The following FHL1 variants were observed in gnomAD, a reference collection of about 807,000 sequenced individuals.
FHL1 encodes four and a half LIM domains protein 1.
In FHL1, 1 loss-of-function variant was observed where a neutral mutation model predicts 20.3. The ratio of observed to expected loss-of-function variants is 0.05; its 90% CI spans 0.02 to 0.23. The LOEUF (loss-of-function observed/expected upper bound fraction) is 0.23, where lower values mean the gene tolerates loss of function less well. Among genes scored for constraint, FHL1 ranks in the 10% least tolerant of loss-of-function variants. The pLI is 1.00. For missense variants in FHL1, 177 were observed against 234.0 expected (o/e 0.76, Z 1.59); for synonymous variants, 82 against 88.9 (o/e 0.92, Z 0.44).
chrX:136,209,761 C>T, intron 5 of FHL1, 110 bp from the exon 6 acceptor site: 1 of 926,278 alleles, frequency 1.1e-6, no homozygotes, highest in Middle Eastern at 4.0e-4. Context: ...GCTTGTCGGT[C>T]TGTGAGTGGG....
At chrX:136,191,451 G>A (rs765518402) in intron 2 of FHL1, among the ~76,000 whole-genome samples, 2 of 111,694 alleles carry the variant, frequency 1.8e-5, no homozygotes, top group African/African-American at 6.5e-5. Context: ...GTGACATCCA[G>A]GTCACGGCTT....
chrX:136,196,381 T>A (rs1024329873), upstream of FHL1, among the ~76,000 whole-genome samples: 2 of 111,895 alleles, frequency 1.8e-5, no homozygotes, highest in African/African-American at 6.5e-5. Flanking sequence ...CCTTTTATTG[T>A]CCCTGATGCT....
intron 1 of FHL1, among the ~76,000 whole-genome samples, chrX:136,203,445 C>G (rs1347521927): frequency 8.9e-6 from 1 of 112,053 alleles, no homozygotes; most frequent in Non-Finnish European, 1.9e-5. Context: ...TGAAACTCTT[C>G]TTATGGGTAC....
At chrX:136,207,262 T>C in intron 3 of FHL1, 72 bp downstream of exon 3, 1 of 1,070,525 alleles carries the variant, frequency 9.3e-7, no homozygotes, top group South Asian at 2.1e-5. Context: ...GGCTTGCTTA[T>C]CATGGTGGGG....
At chrX:136,187,366 A>C (rs994379247) in intron 2 of FHL1, among the ~76,000 whole-genome samples, 1 of 111,894 alleles carries the variant, frequency 8.9e-6, no homozygotes, top group Non-Finnish European at 1.9e-5. Context: ...TGTTCACAGC[A>C]GTATTATAGT....
chrX:136,194,259 C>G (rs768137314), upstream of FHL1, among the ~76,000 whole-genome samples: 5 of 112,396 alleles, frequency 4.4e-5, 1 homozygote, highest in South Asian at 1.8e-3. Context: ...AAAGTAAGGA[C>G]TGTATTTTAT....
At chrX:136,200,689 T>C (rs1404534186) in intron 1 of FHL1, among the ~76,000 whole-genome samples, 2 of 111,935 alleles carry the variant, frequency 1.8e-5, no homozygotes, top group Non-Finnish European at 3.8e-5. Flanking sequence ...CTTTCTGTCA[T>C]AGAGAAACCC....
intron 1 of FHL1, among the ~76,000 whole-genome samples, chrX:136,205,099 C>T (rs925470961): frequency 2.7e-5 from 3 of 112,312 alleles, no homozygotes; most frequent in African/African-American, 6.5e-5. Flanking sequence ...TCTATTTACC[C>T]GTGCAAATTT....
chrX:136,150,958 C>T (rs954175599), intron 1 of FHL1, among the ~76,000 whole-genome samples: 1 of 112,339 alleles, frequency 8.9e-6, no homozygotes, highest in Admixed American at 9.4e-5. Context: ...AATTGGGCCT[C>T]CCCAAAATAT....
At chrX:136,202,712 C>T (rs745802656) in intron 1 of FHL1, among the ~76,000 whole-genome samples, 60 of 111,341 alleles carry the variant, frequency 5.4e-4, no homozygotes, top group Admixed American at 1.5e-3. Flanking sequence ...TCCAAGATTG[C>T]GCCACTGCAC....
intron 1 of FHL1, among the ~76,000 whole-genome samples, chrX:136,199,468 G>A (rs751665259): frequency 2.7e-5 from 3 of 112,422 alleles, no homozygotes; most frequent in African/African-American, 6.5e-5. Context: ...CTTTTCAGCC[G>A]TGACTCATGA....
chrX:136,207,659 A>T, intron 3 of FHL1, 133 bp from the exon 4 acceptor site: 1 of 652,311 alleles, frequency 1.5e-6, no homozygotes, highest in Non-Finnish European at 2.4e-6. Context: ...CAGGTAGGTT[A>T]GTTGGAGGTG....
intron 1 of FHL1, among the ~76,000 whole-genome samples, chrX:136,159,926 G>A (rs2072521102): frequency 8.9e-6 from 1 of 112,369 alleles, no homozygotes; most frequent in Non-Finnish European, 1.9e-5. Flanking sequence ...ATCCAGGTCA[G>A]AGTTTGATTG....
At chrX:136,192,526 G>A (rs1023273756), upstream of FHL1, among the ~76,000 whole-genome samples, 1 of 112,298 alleles carries the variant, frequency 8.9e-6, no homozygotes, top group Non-Finnish European at 1.9e-5. Flanking sequence ...GAGTTAATTA[G>A]CATTTTCCAG....
chrX:136,172,260 T>G (rs1265274803), intron 2 of FHL1, among the ~76,000 whole-genome samples: 2 of 112,468 alleles, frequency 1.8e-5, no homozygotes, highest in Admixed American at 9.4e-5. Flanking sequence ...TCTGGTGTTC[T>G]TTCTTCCTTT....
chrX:136,191,115 A>T (rs1205828524), intron 2 of FHL1, among the ~76,000 whole-genome samples: 1 of 111,452 alleles, frequency 9.0e-6, no homozygotes, highest in African/African-American at 3.3e-5. Flanking sequence ...CAACAGGATC[A>T]CTCTGGTTCT....
At chrX:136,187,323 A>G (rs1229047898) in intron 2 of FHL1, among the ~76,000 whole-genome samples, 3 of 111,099 alleles carry the variant, frequency 2.7e-5, no homozygotes, top group Non-Finnish European at 3.8e-5. Context: ...TCAAAAATAC[A>G]TCTTTGGAAA....
rs112643843 is a variant in FHL1 at position 136,179,860 on chromosome X, A to T, written c.-27+9880A>T. The stretch of plus-strand genomic sequence containing the variant: ...TTTTTCGAACAGAAAAGTTGAAATT[A>T]TACAGTGAACGCTCCTATTCCTACC... On this transcript the variant is annotated intron_variant, in intron 2 of 6. Transcript: ENST00000394153. 3.9e-3 allele frequency among the ~76,000 whole-genome samples: 440 copies of T among 111,795 alleles called. 1 individual carries two copies. The highest frequency in any genetic ancestry group is 0.014 in the African/African-American group (419 of 30,805).
chrX:136,166,141 T>C (rs2072702700), upstream of FHL1, among the ~76,000 whole-genome samples: 1 of 111,957 alleles, frequency 8.9e-6, no homozygotes, highest in African/African-American at 3.2e-5. Context: ...TACACACAAA[T>C]ATACCCACCA....
Sources: gnomAD v4.1 joint callset for allele counts (sites outside exome capture counted in the v4.1 genomes callset) on GRCh38, gnomAD v4.1.1 for gene constraint, MANE v1.5 for transcripts, NCBI Gene and HGNC (gene_info 2026-07-23, HGNC 2026-07-21) for gene names.